Variants in APOL5 observed in about 807,000 individuals in gnomAD.
APOL5 encodes apolipoprotein L5.
Under a neutral mutation model 35.5 loss-of-function variants are expected in APOL5, and 29 were observed. The observed-to-expected ratio is 0.82, with a 90% CI of 0.61 to 1.11. APOL5 has a LOEUF of 1.11. APOL5 is among the 50% of genes most tolerant of loss of function. The probability of loss-of-function intolerance (pLI) is 0.00; values close to 1 mark genes in which losing one functional copy is unlikely to be tolerated. For missense variants in APOL5, 514 were observed against 530.4 expected (o/e 0.97, Z 0.30); for synonymous variants, 188 against 200.2 (o/e 0.94, Z 0.51).
upstream of APOL5, among the ~76,000 whole-genome samples, chr22:35,715,237 C>T (rs185557504): frequency 5.3e-5 from 8 of 152,292 alleles, no homozygotes; most frequent in East Asian, 1.4e-3. Flanking sequence ...GGGTCTCAGC[C>T]CTGCTCACTC....
the APOL5 span, among the ~76,000 whole-genome samples, chr22:35,711,607 C>CTTCCTTCCTTCCTTCCTTCTTTCCTTCT: frequency 3.7e-5 from 5 of 135,630 alleles, no homozygotes; most frequent in African/African-American, 1.4e-4. Context: ...TTTTTCCTTC[C>CTTCCTTCCTTCCTTCCTTCTTTCCTTCT]TTCCTTCCTT....
At chr22:35,724,126 C>A (rs1927065416) in intron 2 of APOL5, among the ~76,000 whole-genome samples, 1 of 152,038 alleles carries the variant, frequency 6.6e-6, no homozygotes, top group South Asian at 2.1e-4. Flanking sequence ...AATTATCATA[C>A]ATGCATTTGA....
Position 35,728,780 on chromosome 22 carries a change from G to C in APOL5, c.1184G>C (p.Gly395Ala). Residue 395 changes from glycine to alanine, a missense_variant, in exon 4 of 5, where the codon GGC becomes GCC. Physicochemically the swap from Gly to Ala is moderately conservative, Grantham distance 60. Around this residue, in one of 3 missense-constraint regions of APOL5, gnomAD observed 238 missense variants for 229.1 expected, o/e 1.04. Transcript: ENST00000249044. ...GAGCACCAGCCTAGGCTGGGCCCTG[G>C]CGTGGCACTGAGGACACCAAAGAGG... ...VVEHQPRLGP[G>A]VALRTPKRTV... 1 of 1,613,642 alleles carries C rather than the reference G, an allele frequency of 6.2e-7. No homozygotes were observed. The highest frequency in any genetic ancestry group is 8.5e-7 in the Non-Finnish European group (1 of 1,179,820).
upstream of APOL5, among the ~76,000 whole-genome samples, chr22:35,717,028 T>G (rs530433733): frequency 1.3e-5 from 2 of 151,216 alleles, no homozygotes; most frequent in East Asian, 3.9e-4. Flanking sequence ...GTTGTGTCCG[T>G]GGTGGGTGTA....
At chr22:35,710,510 C>CAT in the APOL5 span, among the ~76,000 whole-genome samples, 25 of 151,242 alleles carry the variant, frequency 1.7e-4, no homozygotes, top group East Asian at 1.9e-3. Context: ...CACACACACA[C>CAT]ATATATATAT....
At chr22:35,717,235 A>AATATATATATATATATAT (rs1555930034), upstream of APOL5, among the ~76,000 whole-genome samples, 40 of 57,456 alleles carry the variant, frequency 7.0e-4, no homozygotes, top group East Asian at 2.9e-3. Context: ...AAAAAAAAAA[A>AATATATATATATATATAT]ATATATATAT....
chr22:35,728,809 GTC>G lies in APOL5; in HGVS notation c.1217_1218del (p.Ser406CysfsTer40), dbSNP rs1252837172. 1 of 1,613,478 alleles carries G rather than the reference GTC, an allele frequency of 6.2e-7. No homozygotes were observed. The highest frequency in any genetic ancestry group is 1.7e-5 in the Admixed American group (1 of 59,946). ...GGCACTGAGGACACCAAAGAGGACA[GTC>G]TCTGCCCCAAGGATGCTTGGCCACC... ...GVALRTPKRT[V>X]SAPRMLGHQP... On this transcript the variant is annotated frameshift_variant, in exon 4 of 5. Coordinates refer to ENST00000249044, the MANE Select transcript of APOL5 (RefSeq NM_030642.1). LOFTEE classifies it low-confidence loss of function (END_TRUNC).
chr22:35,728,966 TTGGG>T (rs1389210320), intron 4 of APOL5, 62 bp downstream of exon 4: 1 of 1,476,368 alleles, frequency 6.8e-7, no homozygotes, highest in Non-Finnish European at 9.0e-7. Context: ...TAACCCCTCC[TTGGG>T]TGGGTGGGCT....
rs148268031 is a variant in APOL5 at position 35,726,484 on chromosome 22, T to A, written c.416T>A (p.Leu139Gln). Residue 139 changes from leucine to glutamine, a missense_variant, in exon 3 of 5, where the codon CTG becomes CAG. Leu to Gln is a moderately radical substitution (Grantham distance 113). Around this residue, in one of 3 missense-constraint regions of APOL5, gnomAD observed 254 missense variants for 254.7 expected, o/e 1.00. Transcript: ENST00000249044. ...CACGAGTTGCTTACCAAGACCAGCC[T>A]GGTGGCCAGCTCTTCCGGGGCTGTT... ...TTHELLTKTS[L>Q]VASSSGAVSG... 12 of 1,614,190 alleles carry A rather than the reference T, an allele frequency of 7.4e-6. No homozygotes were observed. The African/African-American group carries it at 1.3e-4, about 18-fold the overall frequency.
At chr22:35,725,667 G>T (rs919179062) in intron 2 of APOL5, among the ~76,000 whole-genome samples, 1 of 152,112 alleles carries the variant, frequency 6.6e-6, no homozygotes, top group Non-Finnish European at 1.5e-5. Flanking sequence ...GCCCTCTTGC[G>T]CTGAGCGGGT....
At chr22:35,716,815 C>G (rs1455596277), upstream of APOL5, among the ~76,000 whole-genome samples, 1 of 151,946 alleles carries the variant, frequency 6.6e-6, no homozygotes. Flanking sequence ...CTTAATATAT[C>G]CTGGACCTCT....
Position 35,717,907 on chromosome 22 carries a change from C to T in APOL5, c.36C>T (p.Pro12=), listed in dbSNP as rs201209006. The change falls in exon 1 of 5, where the codon CCC becomes CCT. Residue 12 remains proline, a synonymous_variant. Transcript: ENST00000249044. ...GCAAACAAGGAAATTTGCAAGTTCC[C>T]GGTTCCAAGGTGTTACCTGGTAAGT... is the stretch of plus-strand genomic sequence containing the variant. ...PCGKQGNLQV[P]GSKVLPGLGE... The T allele has an allele frequency of 1.1e-5, 18 of 1,591,048 alleles. No homozygotes were observed. The highest frequency in any genetic ancestry group is 7.0e-5 in the South Asian group (6 of 85,214).
At chr22:35,720,846 A>G (rs1926949136) in intron 2 of APOL5, among the ~76,000 whole-genome samples, 192 bp downstream of exon 2, 1 of 152,146 alleles carries the variant, frequency 6.6e-6, no homozygotes, top group Non-Finnish European at 1.5e-5. Context: ...CCCAGGTTCA[A>G]GTGATTCTCC....
intron 2 of APOL5, among the ~76,000 whole-genome samples, chr22:35,722,428 G>A (rs542154119): frequency 2.0e-4 from 30 of 152,166 alleles, no homozygotes; most frequent in African/African-American, 5.5e-4. Context: ...TCAGCCTTCC[G>A]AGTAGCTGGG....
chr22:35,717,026 C>T (rs561638258), upstream of APOL5, among the ~76,000 whole-genome samples: 171 of 149,286 alleles, frequency 1.1e-3, no homozygotes, highest in African/African-American at 4.1e-3. Flanking sequence ...GTGTTGTGTC[C>T]GTGGTGGGTG....
upstream of APOL5, among the ~76,000 whole-genome samples, chr22:35,715,128 T>C (rs947183229): frequency 4.9e-4 from 74 of 152,180 alleles, no homozygotes; most frequent in Non-Finnish European, 9.0e-4. Flanking sequence ...AGGAGATGAA[T>C]TTAACTGGAA....
chr22:35,728,310 G>A (rs557027749), intron 3 of APOL5, among the ~76,000 whole-genome samples: 4 of 152,196 alleles, frequency 2.6e-5, no homozygotes, highest in Admixed American at 6.5e-5. Context: ...TGCAAGCTCC[G>A]CCTCCCGGGT....
At chr22:35,720,904 C>A (rs1366401342) in intron 2 of APOL5, among the ~76,000 whole-genome samples, 1 of 152,106 alleles carries the variant, frequency 6.6e-6, no homozygotes. Context: ...CGCCACCACG[C>A]CCGGCTAATT....
chr22:35,723,506 T>A (rs2146001255), intron 2 of APOL5, among the ~76,000 whole-genome samples: 1 of 152,370 alleles, frequency 6.6e-6, no homozygotes, highest in East Asian at 1.9e-4. Context: ...GATTCTTTTT[T>A]CGAACTACAG....
Sources: gnomAD v4.1 joint callset for allele counts (sites outside exome capture counted in the v4.1 genomes callset) on GRCh38, gnomAD v4.1.1 for gene constraint, gnomAD v4.1.1 regional missense constraint, MANE v1.5 for transcripts, NCBI Gene and HGNC (gene_info 2026-07-23, HGNC 2026-07-21) for gene names.